ZNF778: variants seen among roughly 807,000 people sequenced by gnomAD.
ZNF778 encodes the protein zinc finger protein 778.
ZNF778 carries 37 observed loss-of-function variants against 23.9 expected under a neutral mutation model. The ratio of observed to expected loss-of-function variants is 1.54; its 90% CI spans 1.19 to 2.03. The LOEUF (loss-of-function observed/expected upper bound fraction) is 2.03, where lower values mean the gene tolerates loss of function less well. Among genes scored for constraint, ZNF778 ranks in the 30% most tolerant of loss-of-function variants. The pLI is 0.00. For synonymous variants in ZNF778, 483 were observed against 343.9 expected (o/e 1.40, Z -4.48); for missense variants, 1,297 against 934.4 (o/e 1.39, Z -5.06).
At position 89,231,150 on chromosome 16, in the gene ZNF778, T is replaced by C. The variant is rs1212209563; in HGVS notation, c.*2588T>C. 1 of 152,318 alleles carries C rather than the reference T, an allele frequency of 6.6e-6. No homozygotes were observed. Among genetic ancestry groups the C allele is most frequent in the African/African-American group, 2.4e-5 (1 of 41,478 alleles). 9.4% of individuals were successfully genotyped at this position (152,318 alleles called of 1,614,324 possible). A position where few individuals can be genotyped will look rare whatever the true frequency, so the allele number is the denominator to read the frequency against. On this transcript the variant is annotated 3_prime_UTR_variant, in exon 7 of 7. Transcript: ENST00000433976. ...TGAGTGTGGCTATTTAGCTCATCTGTTGCCACCTTTAATTGTTGGCATTGA... is the reference window on the plus strand; with the variant it reads ...TGAGTGTGGCTATTTAGCTCATCTGCTGCCACCTTTAATTGTTGGCATTGA...
rs2032058696 is a variant in ZNF778 at position 89,233,154 on chromosome 16, C to T, written c.*4592C>T. ...TGCAACTCAGCTCGCTCTGCGTATG[C>T]AACTCAGCTCGCACTGCGTATGCAA... is the stretch of plus-strand genomic sequence containing the variant. On this transcript the variant is annotated 3_prime_UTR_variant, in exon 7 of 7. Coordinates refer to ENST00000433976, the MANE Select transcript of ZNF778 (RefSeq NM_001201407.2). 2.2e-6 allele frequency: 1 copy of T among 454,472 alleles called. No homozygotes were observed. The highest frequency in any genetic ancestry group is 3.2e-5 in the African/African-American group (1 of 31,568). The allele number at this position is 454,472 out of a possible 1,614,324, so 28.2% of individuals were successfully genotyped here.
rs779627020 is a variant in ZNF778, at chr16:89,232,797, A to C, written c.*4235A>C. 12 of 1,288,950 alleles carry C rather than the reference A, an allele frequency of 9.3e-6. 1 individual carries two copies. In the African/African-American group the frequency reaches 1.8e-4, roughly 20 times the overall value. The allele number at this position is 1,288,950 out of a possible 1,614,324, so 79.8% of individuals were successfully genotyped here. Reference sequence around the variant, plus strand: ...ATCAACTCACTGCATATGCACATCAACTCACTGCATATGCAACTCAACTCA... The same window carrying C: ...ATCAACTCACTGCATATGCACATCACCTCACTGCATATGCAACTCAACTCA... On this transcript the variant is annotated 3_prime_UTR_variant, in exon 7 of 7. Coordinates refer to ENST00000433976, the MANE Select transcript of ZNF778 (RefSeq NM_001201407.2).
chr16:89,224,373 CT>C (rs1433421986), intron 4 of ZNF778, among the ~76,000 whole-genome samples: 2 of 152,208 alleles, frequency 1.3e-5, no homozygotes, highest in African/African-American at 4.8e-5. Context: ...AATCCTAGCA[CT>C]TTTGAGAGGC....
At chr16:89,222,049 C>T (rs1281799721) in intron 2 of ZNF778, 43 bp from the exon 3 acceptor site, 2 of 1,433,246 alleles carry the variant, frequency 1.4e-6, no homozygotes. Flanking sequence ...GAATTAGGGT[C>T]AGCTCTGGGT....
intron 1 of ZNF778, among the ~76,000 whole-genome samples, chr16:89,218,676 A>G (rs1012468293): frequency 2.6e-5 from 4 of 152,210 alleles, no homozygotes; most frequent in African/African-American, 9.6e-5. Flanking sequence ...CTGTAGTCCC[A>G]GCTACTCTGG....
intron 3 of ZNF778, 54 bp from the exon 4 acceptor site, chr16:89,223,103 G>T: frequency 1.9e-6 from 3 of 1,585,174 alleles, no homozygotes; most frequent in South Asian, 1.1e-5. Flanking sequence ...TCATTCTTCA[G>T]TGAATACCGA....
Position 89,229,091 on chromosome 16 carries a change from T to C in ZNF778, c.*529T>C. The C allele has an allele frequency of 5.1e-6, 5 of 986,720 alleles. No homozygotes were observed. Among genetic ancestry groups the C allele is most frequent in the Non-Finnish European group, 6.0e-6 (5 of 830,906 alleles). 61.1% of individuals were successfully genotyped at this position (986,720 alleles called of 1,614,324 possible). On this transcript the variant is annotated 3_prime_UTR_variant, in exon 7 of 7. Transcript: ENST00000433976. ...ATCTTTATGATGCTGCACTGATCAT[T>C]CTTGGAGTGAGGACTCTGTTCCCTG...
Position 89,229,659 on chromosome 16 carries a change from C to T in ZNF778, c.*1097C>T. On this transcript the variant is annotated 3_prime_UTR_variant, in exon 7 of 7. Coordinates refer to ENST00000433976, the MANE Select transcript of ZNF778 (RefSeq NM_001201407.2). ...GCTCTGCTTGGTTAGTCTTGAGGAT[C>T]CAGATGTGATCCTGCGTGAGCAGCG... 1 of 973,322 alleles carries T rather than the reference C, an allele frequency of 1.0e-6. No individual in the cohort carries two copies. Among genetic ancestry groups the T allele is most frequent in the Non-Finnish European group, 1.2e-6 (1 of 828,344 alleles). The allele number at this position is 973,322 out of a possible 1,614,324, so 60.3% of individuals were successfully genotyped here.
Position 89,227,916 on chromosome 16 carries a change from A to G in ZNF778, c.1628A>G (p.Asn543Ser), listed in dbSNP as rs751788756. Residue 543 changes from asparagine (N) to serine (S), a missense_variant, in exon 7 of 7, where the codon AAT becomes AGT. Coordinates refer to ENST00000433976, the MANE Select transcript of ZNF778 (RefSeq NM_001201407.2). ...TGTAAGGACTGTGGGAAAGCCTACA[A>G]TAGGGTTTATCTACTGAATGAGCAT... ...YECKDCGKAY[N>S]RVYLLNEHVK... The G allele has an allele frequency of 5.0e-5, 81 of 1,613,698 alleles. No homozygotes were observed. Among genetic ancestry groups the G allele is most frequent in the African/African-American group, 4.0e-4 (30 of 74,812 alleles).
chr16:89,232,754 C>T lies in ZNF778; in HGVS notation c.*4192C>T, dbSNP rs1656658326. On this transcript the variant is annotated 3_prime_UTR_variant, in exon 7 of 7. Transcript: ENST00000433976. Reference sequence around the variant, plus strand: ...AAGATGGTAAACAACTTGCTGGAAACATGCACTGCATATACAAATCAACTC... The same window carrying T: ...AAGATGGTAAACAACTTGCTGGAAATATGCACTGCATATACAAATCAACTC... The T allele has an allele frequency of 7.0e-6, 9 of 1,285,910 alleles. No individual in the cohort carries two copies. The highest frequency in any genetic ancestry group is 9.1e-6 in the Non-Finnish European group (9 of 986,080). The allele number at this position is 1,285,910 out of a possible 1,614,324, so 79.7% of individuals were successfully genotyped here. A position where few individuals can be genotyped will look rare whatever the true frequency, so the allele number is the denominator to read the frequency against.
At position 89,228,518 on chromosome 16, in the gene ZNF778, C is replaced by G. The variant is rs2031711638; in HGVS notation, c.2230C>G (p.Leu744Val). ...CGKSFKNSSC[L>V]NHHTQIHTDE... ...AAAATCTTTTAAGAATTCCTCATGC[C>G]TTAACCATCACACTCAAATTCACAC... Residue 744 changes from leucine to valine, a missense_variant, in exon 7 of 7, where the codon CTT (leucine) becomes GTT (valine). By Grantham distance (32) the Leu-to-Val change is conservative. Coordinates refer to ENST00000433976, the MANE Select transcript of ZNF778 (RefSeq NM_001201407.2). 1 of 1,602,250 alleles carries G rather than the reference C, an allele frequency of 6.2e-7. No individual in the cohort carries two copies. Among genetic ancestry groups the G allele is most frequent in the East Asian group, 2.2e-5 (1 of 44,842 alleles).
intron 1 of ZNF778, among the ~76,000 whole-genome samples, chr16:89,218,908 G>C (rs1464937664): frequency 1.3e-5 from 2 of 152,212 alleles, no homozygotes; most frequent in Non-Finnish European, 2.9e-5. Context: ...GGGAGTTCAA[G>C]ACCAGCCTGA....
intron 2 of ZNF778, among the ~76,000 whole-genome samples, chr16:89,221,519 C>G (rs888116913): frequency 2.7e-5 from 4 of 149,198 alleles, no homozygotes; most frequent in African/African-American, 9.9e-5. Flanking sequence ...GTGTGTGTGT[C>G]TGTGTGTGTT....
At position 89,228,316 on chromosome 16, in the gene ZNF778, C is replaced by A; in HGVS notation, c.2028C>A (p.Asn676Lys). The change falls in exon 7 of 7, where the codon AAC becomes AAA. Residue 676 changes from asparagine (N) to lysine (K), a missense_variant. Asn to Lys is a moderately conservative substitution (Grantham distance 94). Transcript: ENST00000433976. ...THTGEKPYIC[N>K]ECGKAFRASS... ...CAGGAGAGAAACCTTACATATGTAA[C>A]GAGTGTGGGAAAGCCTTCCGTGCCT... The A allele has an allele frequency of 6.2e-7, 1 of 1,606,486 alleles. No individual in the cohort carries two copies.
chr16:89,218,401 C>T (rs1216663081), intron 1 of ZNF778: 1 of 152,254 alleles, frequency 6.6e-6, no homozygotes, highest in Non-Finnish European at 1.5e-5. Context: ...AATTAAACTG[C>T]ACACATGATA....
chr16:89,226,125 T>C (rs750221981), intron 6 of ZNF778, among the ~76,000 whole-genome samples: 3 of 151,670 alleles, frequency 2.0e-5, no homozygotes, highest in Non-Finnish European at 4.4e-5. Flanking sequence ...TTGGCCAGGA[T>C]GGTCTCGATC....
At position 89,235,398 on chromosome 16, in the gene ZNF778, G is replaced by GC. The variant is rs1273689735; in HGVS notation, c.*6838dup. ...TCCTGCAGCAGCAAACACATCATCA[G>GC]CCTTAGGAGCTGGCCTGTGAGGTTG... is the stretch of plus-strand genomic sequence containing the variant. On this transcript the variant is annotated 3_prime_UTR_variant, in exon 7 of 7. Coordinates refer to ENST00000433976, the MANE Select transcript of ZNF778 (RefSeq NM_001201407.2). The GC allele has an allele frequency of 6.6e-6, 1 of 152,202 alleles. No individual in the cohort carries two copies. The highest frequency in any genetic ancestry group is 1.5e-5 in the Non-Finnish European group (1 of 68,056). 9.4% of individuals were successfully genotyped at this position (152,202 alleles called of 1,614,324 possible). A position where few individuals can be genotyped will look rare whatever the true frequency, so the allele number is the denominator to read the frequency against.
chr16:89,227,673 C>G lies in ZNF778; in HGVS notation c.1385C>G (p.Ser462Trp), dbSNP rs764727291. ...TGCGGGAAAGCCTTCTGTACATCCTCGGGCCTTACTGAGCATGTAAGGACT... is the reference window on the plus strand; with the variant it reads ...TGCGGGAAAGCCTTCTGTACATCCTGGGGCCTTACTGAGCATGTAAGGACT... ...KDCGKAFCTS[S>W]GLTEHVRTHT... The change falls in exon 7 of 7, where the codon TCG becomes TGG. Residue 462 changes from serine (S) to tryptophan (W), a missense_variant. Transcript: ENST00000433976. The G allele has an allele frequency of 6.2e-7, 1 of 1,614,124 alleles. No individual in the cohort carries two copies. The highest frequency in any genetic ancestry group is 8.5e-7 in the Non-Finnish European group (1 of 1,180,004).
In ZNF778 at chr16:89,235,824, T is replaced by C. The variant is rs1390365864; in HGVS notation, c.*7262T>C. ...TTGGTGTAAGATAAAAACTTAAGTTTGAAGAGGTTCCATGAGCCCCAGACA... is the reference window on the plus strand; with the variant it reads ...TTGGTGTAAGATAAAAACTTAAGTTCGAAGAGGTTCCATGAGCCCCAGACA... On this transcript the variant is annotated 3_prime_UTR_variant, in exon 7 of 7. Coordinates refer to ENST00000433976, the MANE Select transcript of ZNF778 (RefSeq NM_001201407.2). The C allele has an allele frequency of 6.6e-6, 1 of 151,920 alleles. No homozygotes were observed. The highest frequency in any genetic ancestry group is 2.4e-5 in the African/African-American group (1 of 41,324). The allele number at this position is 151,920 out of a possible 1,614,324, so 9.4% of individuals were successfully genotyped here.
Sources: allele counts gnomAD v4.1 joint callset (sites outside exome capture counted in the v4.1 genomes callset), GRCh38; gene constraint gnomAD v4.1.1; transcripts MANE v1.5; gene names NCBI Gene and HGNC (gene_info 2026-07-23, HGNC 2026-07-21).